FAM168B: variants seen among roughly 807,000 people sequenced by gnomAD.
FAM168B encodes family with sequence similarity 168 member B.
In FAM168B, 19 loss-of-function variants were observed where a neutral mutation model predicts 21.8. The observed-to-expected ratio is 0.87, with a 90% CI of 0.61 to 1.28. FAM168B has a LOEUF of 1.28. FAM168B is among the 50% of genes most tolerant of loss of function. The pLI, the probability that FAM168B is intolerant of heterozygous loss-of-function variation, is 0.00. For synonymous variants in FAM168B, 126 were observed against 104.8 expected (o/e 1.20, Z -1.24); for missense variants, 233 against 263.1 (o/e 0.89, Z 0.79).
At position 131,048,815 on chromosome 2, in the gene FAM168B, G is replaced by A; in HGVS notation, c.*3650C>T. ...CAGAAAGCACCAGAGAGGAGGACCA[G>A]ACGCTGCCACCCACCTCAAGCCACA... is the stretch of plus-strand genomic sequence containing the variant. On this transcript the variant is annotated 3_prime_UTR_variant, in exon 7 of 7. Coordinates refer to ENST00000389915, the MANE Select transcript of FAM168B (RefSeq NM_001009993.4). 2.0e-6 allele frequency: 2 copies of A among 986,166 alleles called. No individual in the cohort carries two copies. Among genetic ancestry groups the A allele is most frequent in the Non-Finnish European group, 2.4e-6 (2 of 830,182 alleles). 61.1% of individuals were successfully genotyped at this position (986,166 alleles called of 1,614,324 possible). A position where few individuals can be genotyped will look rare whatever the true frequency, so the allele number is the denominator to read the frequency against.
rs997099035 is a variant in FAM168B at position 131,051,700 on chromosome 2, A to G, written c.*765T>C. ...AGAGAAACTGCTTTGCTGACACATAAACCACCCCCCTCGCCCCAAATTTCA... is the reference window on the plus strand; with the variant it reads ...AGAGAAACTGCTTTGCTGACACATAGACCACCCCCCTCGCCCCAAATTTCA... On this transcript the variant is annotated 3_prime_UTR_variant, in exon 7 of 7. Coordinates refer to ENST00000389915, the MANE Select transcript of FAM168B (RefSeq NM_001009993.4). 1.0e-6 allele frequency: 1 copy of G among 984,900 alleles called. No individual in the cohort carries two copies. Among genetic ancestry groups the G allele is most frequent in the African/African-American group, 1.8e-5 (1 of 57,092 alleles). The allele number at this position is 984,900 out of a possible 1,614,324, so 61.0% of individuals were successfully genotyped here.
At chr2:131,060,148 CT>C (rs1449856335) in intron 3 of FAM168B, among the ~76,000 whole-genome samples, 1 of 152,118 alleles carries the variant, frequency 6.6e-6, no homozygotes, top group Non-Finnish European at 1.5e-5. Flanking sequence ...GCCTCAGCCT[CT>C]CAAGTAGCTG....
rs115011788 is a variant in FAM168B at position 131,052,543 on chromosome 2, G to A, written c.*13-91C>T. ...AAGTAGGATGAGGCCCAGCAGGGTC[G>A]GAAAGGGCAGCAATGGGCAAAACTG... On this transcript the variant is annotated intron_variant, in intron 6 of 6. Coordinates refer to ENST00000389915, the MANE Select transcript of FAM168B (RefSeq NM_001009993.4). 1,526 of 993,580 alleles carry A rather than the reference G, an allele frequency of 1.5e-3. 15 individuals are homozygous for A. The African/African-American group carries it at 0.024, about 16-fold the overall frequency. 61.5% of individuals were successfully genotyped at this position (993,580 alleles called of 1,614,324 possible). A position where few individuals can be genotyped will look rare whatever the true frequency, so the allele number is the denominator to read the frequency against.
chr2:131,090,736 A>G (rs532045978), intron 1 of FAM168B, among the ~76,000 whole-genome samples: 1 of 152,082 alleles, frequency 6.6e-6, no homozygotes, highest in South Asian at 2.1e-4. Context: ...ATATATACAA[A>G]TTTTTTGTTT....
At chr2:131,075,150 TC>T (rs1234821394) in intron 2 of FAM168B, among the ~76,000 whole-genome samples, 1 of 152,040 alleles carries the variant, frequency 6.6e-6, no homozygotes, top group African/African-American at 2.4e-5. Context: ...GGACAGCAGT[TC>T]TGGGGATGCT....
At chr2:131,064,534 G>A (rs2105495482) in intron 3 of FAM168B, among the ~76,000 whole-genome samples, 1 of 152,118 alleles carries the variant, frequency 6.6e-6, no homozygotes, top group East Asian at 1.9e-4. Flanking sequence ...TATTCTGGGG[G>A]GAAATAACTG....
At chr2:131,075,178 G>A (rs1283580384) in intron 2 of FAM168B, among the ~76,000 whole-genome samples, 1 of 151,710 alleles carries the variant, frequency 6.6e-6, no homozygotes, top group Admixed American at 6.6e-5. Context: ...CTCCTCAGAA[G>A]CCCAATTGTG....
intron 3 of FAM168B, among the ~76,000 whole-genome samples, chr2:131,065,305 GC>G (rs1293990702): frequency 6.6e-6 from 1 of 152,138 alleles, no homozygotes; most frequent in Non-Finnish European, 1.5e-5. Flanking sequence ...ATTTTTAAAA[GC>G]CTTGTGGAGC....
At chr2:131,063,186 C>A (rs1185852037) in intron 3 of FAM168B, among the ~76,000 whole-genome samples, 3 of 151,742 alleles carry the variant, frequency 2.0e-5, no homozygotes, top group African/African-American at 4.8e-5. Context: ...AAAATTTAAT[C>A]GTAGAATCTT....
intron 3 of FAM168B, among the ~76,000 whole-genome samples, chr2:131,056,847 CAGA>C (rs142000578): frequency 0.014 from 2,190 of 152,296 alleles, 55 homozygotes; most frequent in African/African-American, 0.049. Flanking sequence ...CATGTACTGA[CAGA>C]AGCTCTAGGA....
intron 2 of FAM168B, among the ~76,000 whole-genome samples, chr2:131,075,034 C>A (rs1369476741): frequency 6.6e-6 from 1 of 152,158 alleles, no homozygotes; most frequent in Non-Finnish European, 1.5e-5. Flanking sequence ...CTCCTGGACT[C>A]TCACCCTCCC....
rs1691443521 is a variant in FAM168B, at chr2:131,048,593, C to A, written c.*3872G>T. On this transcript the variant is annotated 3_prime_UTR_variant, in exon 7 of 7. Coordinates refer to ENST00000389915, the MANE Select transcript of FAM168B (RefSeq NM_001009993.4). Reference sequence around the variant, plus strand: ...GACCCAAATAGGCCACATACCCCAACTTCTGTGTTACTTGGTCAGTTGAGC... The same window carrying A: ...GACCCAAATAGGCCACATACCCCAAATTCTGTGTTACTTGGTCAGTTGAGC... The A allele has an allele frequency of 9.1e-6, 10 of 1,095,542 alleles. No homozygotes were observed. The allele number at this position is 1,095,542 out of a possible 1,614,324, so 67.9% of individuals were successfully genotyped here. A position where few individuals can be genotyped will look rare whatever the true frequency, so the allele number is the denominator to read the frequency against.
At chr2:131,089,174 C>T (rs1329704118) in intron 1 of FAM168B, among the ~76,000 whole-genome samples, 1 of 151,964 alleles carries the variant, frequency 6.6e-6, no homozygotes, top group Non-Finnish European at 1.5e-5. Context: ...CCACGTTGGT[C>T]AGGTTGGTCT....
intron 1 of FAM168B, among the ~76,000 whole-genome samples, chr2:131,090,251 T>C (rs1179806123): frequency 7.3e-6 from 1 of 136,858 alleles, no homozygotes; most frequent in African/African-American, 2.8e-5. Flanking sequence ...CCCAGGAGGC[T>C]GAGCTTGCAA....
In FAM168B at chr2:131,055,649, G is replaced by A. The variant is rs989120559; in HGVS notation, c.201C>T (p.Ser67=). ...TPYKVSCSPT[S]GAVPPYSSSP... The stretch of plus-strand genomic sequence containing the variant: ...AGGAGGAGTACGGTGGCACAGCCCC[G>A]CTGGTGGGGGAACAGGACACTTTGT... The change falls in exon 4 of 7, where the codon AGC becomes AGT. Residue 67 remains serine, a synonymous_variant. Transcript: ENST00000389915. The A allele has an allele frequency of 6.8e-6, 11 of 1,613,508 alleles. No individual in the cohort carries two copies. Among genetic ancestry groups the A allele is most frequent in the East Asian group, 6.7e-5 (3 of 44,838 alleles).
At chr2:131,065,317 A>T (rs1453693333) in intron 3 of FAM168B, among the ~76,000 whole-genome samples, 4 of 152,226 alleles carry the variant, frequency 2.6e-5, no homozygotes, top group Non-Finnish European at 5.9e-5. Flanking sequence ...CTTGTGGAGC[A>T]CTGCAATCTT....
chr2:131,078,762 G>C (rs994519403), intron 2 of FAM168B, among the ~76,000 whole-genome samples: 3 of 151,186 alleles, frequency 2.0e-5, no homozygotes, highest in African/African-American at 7.3e-5. Context: ...GCTGAGGTGG[G>C]ATGAGCACAG....
Position 131,069,320 on chromosome 2 carries a change from C to T in FAM168B, c.154+2535G>A, listed in dbSNP as rs115046081. ...ATGGTGGTCTACGGCATGATCATCA[C>T]ATGCCACATTGATACGTATGCCAAA... On this transcript the variant is annotated intron_variant, in intron 3 of 6. Coordinates refer to ENST00000389915, the MANE Select transcript of FAM168B (RefSeq NM_001009993.4). Among the ~76,000 whole-genome samples the T allele has an allele frequency of 5.6e-3, 850 of 152,332 alleles. 5 individuals carry two copies. The highest frequency in any genetic ancestry group is 0.019 in the African/African-American group (779 of 41,572).
In FAM168B at chr2:131,082,679, T is replaced by A. The variant is rs774442802; in HGVS notation, c.-11-22A>T. 5.2e-6 allele frequency: 8 copies of A among 1,525,802 alleles called. No individual in the cohort carries two copies. In the South Asian group the frequency reaches 9.7e-5, roughly 19 times the overall value. The allele number at this position is 1,525,802 out of a possible 1,614,324, so 94.5% of individuals were successfully genotyped here. On this transcript the variant is annotated intron_variant, in intron 1 of 6. Transcript: ENST00000389915. ...AAAACTAAAAGAAAAAAAAGGGAAT[T>A]TAGCCAAGCACTTTTGCTCTCAGAT... is the stretch of plus-strand genomic sequence containing the variant.
Sources: gnomAD v4.1 joint callset for allele counts (sites outside exome capture counted in the v4.1 genomes callset) on GRCh38, gnomAD v4.1.1 for gene constraint, MANE v1.5 for transcripts, NCBI Gene and HGNC (gene_info 2026-07-23, HGNC 2026-07-21) for gene names.